Variants in USP24 observed in about 807,000 individuals in gnomAD.
USP24 encodes the protein ubiquitin specific peptidase 24.
A neutral mutation model predicts 361.6 loss-of-function variants in USP24; 97 were observed. The ratio of observed to expected loss-of-function variants is 0.27; its 90% CI spans 0.23 to 0.32. USP24 has a LOEUF of 0.32. Ranked by LOEUF, USP24 falls within the 10% of genes least tolerant of loss-of-function variation. The probability of loss-of-function intolerance (pLI) is 1.00; values close to 1 mark genes in which losing one functional copy is unlikely to be tolerated. For missense variants in USP24, 2,353 were observed against 3,165.6 expected (o/e 0.74, Z 6.16); for synonymous variants, 1,098 against 1,124.6 (o/e 0.98, Z 0.47).
intron 16 of USP24, among the ~76,000 whole-genome samples, chr1:55,150,341 T>TC (rs1390631332): frequency 1.2e-4 from 18 of 152,306 alleles, no homozygotes; most frequent in African/African-American, 4.3e-4. Flanking sequence ...ACGGACAGTT[T>TC]CTTTTTTTCT....
chr1:55,162,156 T>C (rs1200417016), intron 8 of USP24, 43 bp downstream of exon 8: 4 of 1,544,296 alleles, frequency 2.6e-6, no homozygotes, highest in Non-Finnish European at 2.6e-6. Flanking sequence ...ACTGTTTGCA[T>C]GTCTTCAATC....
chr1:55,174,631 G>A (rs748073226), intron 3 of USP24, among the ~76,000 whole-genome samples: 33 of 152,332 alleles, frequency 2.2e-4, no homozygotes, highest in Middle Eastern at 3.4e-3. Flanking sequence ...TATGCAACTT[G>A]CTGGTGAATG....
intron 7 of USP24, among the ~76,000 whole-genome samples, chr1:55,163,202 T>C (rs2100771572): frequency 6.6e-6 from 1 of 152,050 alleles, no homozygotes; most frequent in South Asian, 2.1e-4. Context: ...AAAAAATATA[T>C]TTTTATAAAC....
chr1:55,073,810 T>A lies in USP24; in HGVS notation c.7526+18A>T. 1 of 1,557,376 alleles carries A rather than the reference T, an allele frequency of 6.4e-7. No individual in the cohort carries two copies. The highest frequency in any genetic ancestry group is 8.7e-7 in the Non-Finnish European group (1 of 1,149,116). On this transcript the variant is annotated intron_variant, in intron 64 of 67. Coordinates refer to ENST00000294383, the MANE Select transcript of USP24 (RefSeq NM_015306.3). ...ATTAAAACACCATTTCCTCCCTGCA[T>A]TTTAATTCAATACTTACTTTTGAGC...
chr1:55,089,812 G>A, intron 54 of USP24, 72 bp from the exon 55 acceptor site: 1 of 1,033,052 alleles, frequency 9.7e-7, no homozygotes, highest in Non-Finnish European at 1.4e-6. Context: ...GTGCACTCTT[G>A]TTGGTTCTTA....
intron 67 of USP24, chr1:55,071,261 C>T (rs1449522614): frequency 1.0e-6 from 1 of 988,208 alleles, no homozygotes; most frequent in Non-Finnish European, 1.2e-6. Context: ...GATTAACTGA[C>T]ACTTAGTTCA....
intron 39 of USP24, among the ~76,000 whole-genome samples, chr1:55,108,821 C>T (rs1645865703): frequency 6.6e-6 from 1 of 152,134 alleles, no homozygotes; most frequent in Non-Finnish European, 1.5e-5. Context: ...TCCCTGGGAG[C>T]CTGGGTGAAA....
At chr1:55,150,324 C>T (rs1486703650) in intron 16 of USP24, among the ~76,000 whole-genome samples, 1 of 152,196 alleles carries the variant, frequency 6.6e-6, no homozygotes, top group Non-Finnish European at 1.5e-5. Flanking sequence ...TGGTCCATAA[C>T]TGCAAAACGG....
At chr1:55,147,848 T>A in intron 17 of USP24, 50 bp from the exon 18 acceptor site, 1 of 1,587,012 alleles carries the variant, frequency 6.3e-7, no homozygotes, top group Non-Finnish European at 8.6e-7. Flanking sequence ...TTGCAGTTAT[T>A]TTGCTGGTTT....
At chr1:55,082,043 G>C (rs1258822578) in intron 58 of USP24, among the ~76,000 whole-genome samples, 2 of 152,228 alleles carry the variant, frequency 1.3e-5, no homozygotes, top group African/African-American at 4.8e-5. Context: ...TCCACACACA[G>C]AGCACGTGAT....
Position 55,123,579 on chromosome 1 carries a change from C to A in USP24, c.4144G>T (p.Glu1382Ter). 1 of 1,597,008 alleles carries A rather than the reference C, an allele frequency of 6.3e-7. No homozygotes were observed. Among genetic ancestry groups the A allele is most frequent in the Non-Finnish European group, 8.5e-7 (1 of 1,171,468 alleles). The part of the protein sequence containing the change: ...SSGSNCSSGS[E>*]GEPVALHAGI... ...GCATGCAGGGCTACTGGTTCTCCTT[C>A]ACTTCCAGAGCTGCAATTGCTTCCT... Residue 1382 changes from glutamate (E) to a stop codon, truncating the protein, a stop_gained, in exon 36 of 68, where the codon GAA (glutamate) becomes TAA (stop). Transcript: ENST00000294383. LOFTEE classifies it high-confidence loss of function.
chr1:55,116,948 A>G (rs1042546812), intron 38 of USP24, among the ~76,000 whole-genome samples: 5 of 152,302 alleles, frequency 3.3e-5, no homozygotes, highest in African/African-American at 1.2e-4. Flanking sequence ...TCTTCAACAA[A>G]ATACTATCAA....
At chr1:55,209,376 A>G (rs529107349) in intron 1 of USP24, among the ~76,000 whole-genome samples, 1 of 152,286 alleles carries the variant, frequency 6.6e-6, no homozygotes, top group Admixed American at 6.5e-5. Flanking sequence ...TTGAAAACAC[A>G]GTTATCCTCT....
intron 3 of USP24, among the ~76,000 whole-genome samples, chr1:55,173,768 G>A (rs1441292335): frequency 2.0e-5 from 3 of 152,130 alleles, no homozygotes; most frequent in African/African-American, 7.2e-5. Context: ...ATGTAAACCA[G>A]TAAGTTACTA....
intron 56 of USP24, 92 bp downstream of exon 56, chr1:55,085,850 G>C: frequency 5.3e-6 from 7 of 1,326,496 alleles, no homozygotes; most frequent in Non-Finnish European, 7.4e-6. Context: ...AAAATTACCA[G>C]ACTCCAATCC....
chr1:55,148,659 T>G, intron 16 of USP24, 89 bp from the exon 17 acceptor site: 1 of 917,152 alleles, frequency 1.1e-6, no homozygotes. Context: ...GTCAATCAGG[T>G]TTACTGTTAC....
chr1:55,170,397 G>A (rs1397239682), intron 5 of USP24, among the ~76,000 whole-genome samples: 2 of 152,114 alleles, frequency 1.3e-5, no homozygotes, highest in East Asian at 1.9e-4. Context: ...GAACCACCAC[G>A]TTCAGTATTT....
At chr1:55,081,511 A>T (rs773137998) in intron 58 of USP24, 87 bp from the exon 59 acceptor site, 1 of 1,268,192 alleles carries the variant, frequency 7.9e-7, no homozygotes, top group Non-Finnish European at 1.1e-6. Context: ...GGTTCATAAT[A>T]TTCTGGGCTT....
intron 7 of USP24, among the ~76,000 whole-genome samples, chr1:55,163,929 T>A (rs1488286409): frequency 6.6e-6 from 1 of 151,978 alleles, no homozygotes; most frequent in East Asian, 1.9e-4. Flanking sequence ...AATCCCCCAG[T>A]ATACCAAGGA....
Sources: allele counts gnomAD v4.1 joint callset (sites outside exome capture counted in the v4.1 genomes callset), GRCh38; gene constraint gnomAD v4.1.1; transcripts MANE v1.5; gene names NCBI Gene and HGNC (gene_info 2026-07-23, HGNC 2026-07-21).